The following ATRNL1 variants were observed in gnomAD, a reference collection of about 807,000 sequenced individuals.
ATRNL1 encodes attractin-like protein 1.
A neutral mutation model predicts 182.7 loss-of-function variants in ATRNL1; 95 were observed. The ratio of observed to expected loss-of-function variants is 0.52; its 90% CI spans 0.44 to 0.62. ATRNL1 has a LOEUF of 0.62. ATRNL1 is among the 20% of genes least tolerant of loss of function. The pLI is 0.00. For missense variants in ATRNL1, 1,471 were observed against 1,679.5 expected, an observed-to-expected ratio of 0.88 and a Z score of 2.17; for synonymous variants, 576 against 568.3, an observed-to-expected ratio of 1.01 and a Z score of -0.19.
intron 18 of ATRNL1, among the ~76,000 whole-genome samples, chr10:115,327,317 C>T (rs1854950888): frequency 6.6e-6 from 1 of 150,550 alleles, no homozygotes; most frequent in Non-Finnish European, 1.5e-5. Context: ...TTTATGCAGC[C>T]AAAAAACACA....
intron 27 of ATRNL1, among the ~76,000 whole-genome samples, chr10:115,774,418 T>G (rs1593197983): frequency 1.6e-5 from 1 of 63,172 alleles, no homozygotes; most frequent in African/African-American, 7.0e-5. Flanking sequence ...AGAGCAAGAC[T>G]CCATCTCAAA....
chr10:115,374,952 TGAATG>T (rs1398149935), intron 19 of ATRNL1, among the ~76,000 whole-genome samples: 1 of 151,846 alleles, frequency 6.6e-6, no homozygotes, highest in Non-Finnish European at 1.5e-5. Context: ...CTGTTGTTGT[TGAATG>T]GAATGTTTTT....
At chr10:115,321,781 C>A in intron 18 of ATRNL1, among the ~76,000 whole-genome samples, 1 of 149,434 alleles carries the variant, frequency 6.7e-6, no homozygotes, top group African/African-American at 2.5e-5. Flanking sequence ...TAGGCAAAAG[C>A]AAGAAATTAA....
intron 28 of ATRNL1, among the ~76,000 whole-genome samples, chr10:115,933,207 C>A (rs1306128578): frequency 6.6e-6 from 1 of 152,256 alleles, no homozygotes; most frequent in African/African-American, 2.4e-5. Context: ...AAGATCAAGT[C>A]CCAGCCAGGT....
chr10:115,588,458 A>G (rs1418275977), intron 26 of ATRNL1, among the ~76,000 whole-genome samples: 1 of 152,210 alleles, frequency 6.6e-6, no homozygotes, highest in Non-Finnish European at 1.5e-5. Flanking sequence ...CTTTAGTAAG[A>G]TGGCCTTCCA....
chr10:115,105,872 T>G (rs184369024), intron 1 of ATRNL1, among the ~76,000 whole-genome samples: 2 of 152,318 alleles, frequency 1.3e-5, no homozygotes, highest in East Asian at 3.9e-4. Context: ...GGTGGGACTC[T>G]CATGGAGAAC....
chr10:115,921,980 G>T (rs1404866870), intron 28 of ATRNL1, among the ~76,000 whole-genome samples: 1 of 152,138 alleles, frequency 6.6e-6, no homozygotes, highest in Non-Finnish European at 1.5e-5. Context: ...CCCTGCCTTA[G>T]GGATTGTTGA....
intron 8 of ATRNL1, among the ~76,000 whole-genome samples, chr10:115,199,124 C>A (rs1848462642): frequency 6.6e-6 from 1 of 152,046 alleles, no homozygotes; most frequent in African/African-American, 2.4e-5. Flanking sequence ...ATTAATTTTT[C>A]CAGTCTGTGA....
intron 19 of ATRNL1, among the ~76,000 whole-genome samples, chr10:115,356,562 G>A (rs944208541): frequency 3.9e-5 from 6 of 151,964 alleles, no homozygotes; most frequent in Admixed American, 3.9e-4. Flanking sequence ...CCTTCATTAT[G>A]GGTTACTGGA....
chr10:115,937,650 C>T (rs1953601817), intron 28 of ATRNL1, among the ~76,000 whole-genome samples: 1 of 152,178 alleles, frequency 6.6e-6, no homozygotes, highest in African/African-American at 2.4e-5. Flanking sequence ...AAGTCACTTT[C>T]TTAATCATGT....
chr10:115,179,776 A>C (rs1445123411), intron 8 of ATRNL1, among the ~76,000 whole-genome samples: 1 of 152,114 alleles, frequency 6.6e-6, no homozygotes, highest in Non-Finnish European at 1.5e-5. Flanking sequence ...ATAGCATGGA[A>C]TTAGGTCCTT....
At chr10:115,772,928 C>T (rs1306931869) in intron 27 of ATRNL1, among the ~76,000 whole-genome samples, 1 of 152,086 alleles carries the variant, frequency 6.6e-6, no homozygotes, top group Non-Finnish European at 1.5e-5. Flanking sequence ...GGGAAATTGT[C>T]TTGGAAATTG....
intron 27 of ATRNL1, among the ~76,000 whole-genome samples, chr10:115,834,222 G>A (rs1384985782): frequency 1.3e-5 from 2 of 152,050 alleles, no homozygotes; most frequent in East Asian, 3.9e-4. Context: ...TTATTCTACT[G>A]GCATCCCATT....
intron 26 of ATRNL1, among the ~76,000 whole-genome samples, chr10:115,661,783 T>TA (rs1555037893): frequency 5.3e-5 from 8 of 152,022 alleles, no homozygotes; most frequent in Non-Finnish European, 8.8e-5. Flanking sequence ...GCATTTTTTT[T>TA]ATTATACTTT....
intron 4 of ATRNL1, among the ~76,000 whole-genome samples, chr10:115,128,114 A>C (rs782198504): frequency 1.3e-5 from 2 of 152,170 alleles, no homozygotes; most frequent in Admixed American, 1.3e-4. Context: ...TGTAGTCCCT[A>C]TTGCAGAGAC....
intron 28 of ATRNL1, among the ~76,000 whole-genome samples, chr10:115,868,884 C>T (rs1439413966): frequency 8.2e-6 from 1 of 121,636 alleles, no homozygotes; most frequent in Non-Finnish European, 1.6e-5. Context: ...GGCTGGAGTG[C>T]AGTGGCGCGA....
intron 27 of ATRNL1, among the ~76,000 whole-genome samples, chr10:115,834,504 T>C (rs571787995): frequency 1.2e-4 from 19 of 152,326 alleles, no homozygotes; most frequent in African/African-American, 4.1e-4. Context: ...GTTTGCAAAG[T>C]TTGTTTGCCT....
At chr10:115,555,656 A>G (rs11819312) in intron 26 of ATRNL1, among the ~76,000 whole-genome samples, 2,773 of 152,030 alleles carry the variant, frequency 0.018, 72 homozygotes, top group African/African-American at 0.063. Flanking sequence ...AAAAATGTTT[A>G]CAGATCTTAA....
At chr10:115,916,821 G>C (rs1433790365) in intron 28 of ATRNL1, among the ~76,000 whole-genome samples, 1 of 152,154 alleles carries the variant, frequency 6.6e-6, no homozygotes, top group East Asian at 1.9e-4. Context: ...CTCTGACCAA[G>C]AGAAAGTTAT....
Sources: gnomAD v4.1 joint callset for allele counts (sites outside exome capture counted in the v4.1 genomes callset) on GRCh38, gnomAD v4.1.1 for gene constraint, MANE v1.5 for transcripts, NCBI Gene and HGNC (gene_info 2026-07-23, HGNC 2026-07-21) for gene names.